IL1RAPL1: variants seen among roughly 807,000 people sequenced by gnomAD.
IL1RAPL1 encodes interleukin 1 receptor accessory protein like 1.
A neutral mutation model predicts 48.4 loss-of-function variants in IL1RAPL1; 3 were observed. The ratio of observed to expected loss-of-function variants is 0.06; its 90% CI spans 0.03 to 0.16. The LOEUF (loss-of-function observed/expected upper bound fraction) is 0.16. Ranked by LOEUF, IL1RAPL1 falls within the 10% of genes least tolerant of loss-of-function variation. The pLI, the probability that IL1RAPL1 is intolerant of heterozygous loss-of-function variation, is 1.00. For synonymous variants in IL1RAPL1, 185 were observed against 187.7 expected (o/e 0.99, Z 0.12); for missense variants, 349 against 530.6 (o/e 0.66, Z 3.36).
chrX:29,586,854 A>G (rs780745506), intron 5 of IL1RAPL1, among the ~76,000 whole-genome samples: 1 of 111,566 alleles, frequency 9.0e-6, no homozygotes, highest in African/African-American at 3.2e-5. Flanking sequence ...GTATATAGAA[A>G]CACAGCTAAT....
intron 3 of IL1RAPL1, among the ~76,000 whole-genome samples, chrX:29,306,857 T>C (rs1932632841): frequency 2.8e-5 from 2 of 72,057 alleles, no homozygotes; most frequent in African/African-American, 6.1e-5. Flanking sequence ...TGAGACTCTG[T>C]CTCAAAAAAA....
intron 6 of IL1RAPL1, among the ~76,000 whole-genome samples, chrX:29,736,352 C>G (rs764530602): frequency 1.8e-5 from 2 of 111,597 alleles, no homozygotes; most frequent in South Asian, 7.6e-4. Flanking sequence ...TAGCAAGAAC[C>G]CTGTCTCAAA....
chrX:29,668,609 G>C (rs1926063097), intron 6 of IL1RAPL1, 105 bp downstream of exon 6: 1 of 603,841 alleles, frequency 1.7e-6, no homozygotes, highest in African/African-American at 2.2e-5. Flanking sequence ...AAATCCATTT[G>C]TATTCATAGG....
chrX:29,905,514 TTC>T (rs1353863638), intron 6 of IL1RAPL1, among the ~76,000 whole-genome samples: 2 of 26,447 alleles, frequency 7.6e-5, no homozygotes, highest in Non-Finnish European at 1.3e-4. Flanking sequence ...ATTTAAGTCT[TTC>T]TTTAATCCGT....
At chrX:29,665,729 A>C (rs1404216125) in intron 5 of IL1RAPL1, among the ~76,000 whole-genome samples, 4 of 112,237 alleles carry the variant, frequency 3.6e-5, no homozygotes, top group Non-Finnish European at 7.5e-5. Context: ...CTTCACTTCT[A>C]TCAAAGACAG....
At chrX:28,893,262 G>A (rs1340644326) in intron 2 of IL1RAPL1, among the ~76,000 whole-genome samples, 1 of 111,640 alleles carries the variant, frequency 9.0e-6, no homozygotes, top group East Asian at 2.8e-4. Flanking sequence ...TCTGAGAAGG[G>A]CAAGTGGTAA....
chrX:29,195,760 C>A (rs968573873), intron 2 of IL1RAPL1, among the ~76,000 whole-genome samples: 1 of 109,900 alleles, frequency 9.1e-6, no homozygotes, highest in Non-Finnish European at 1.9e-5. Context: ...GGGGTTTTGC[C>A]ATGTTGGCCA....
At position 28,738,602 on chromosome X, in the gene IL1RAPL1, C is replaced by T. The variant is rs569268542; in HGVS notation, c.-24-50718C>T. Among the ~76,000 whole-genome samples the T allele has an allele frequency of 4.7e-4, 52 of 111,093 alleles. 1 individual carries two copies. The highest frequency in any genetic ancestry group is 7.7e-4 in the South Asian group (2 of 2,600). On this transcript the variant is annotated intron_variant, in intron 1 of 10. Transcript: ENST00000378993. ...GGGGTGAGTTATGTGTGTATTAGATCTAGAGAAATGCAGGTGCAAAGGCCA... is the reference window on the plus strand; with the variant it reads ...GGGGTGAGTTATGTGTGTATTAGATTTAGAGAAATGCAGGTGCAAAGGCCA...
At chrX:29,951,461 T>C (rs895150720) in intron 9 of IL1RAPL1, among the ~76,000 whole-genome samples, 2 of 110,879 alleles carry the variant, frequency 1.8e-5, no homozygotes, top group South Asian at 7.7e-4. Context: ...TGATCAGTGG[T>C]AAGGTCTGGG....
chrX:29,618,732 C>G (rs1924371031), intron 5 of IL1RAPL1, among the ~76,000 whole-genome samples: 1 of 111,525 alleles, frequency 9.0e-6, no homozygotes, highest in African/African-American at 3.3e-5. Flanking sequence ...CTAGTCATGT[C>G]TAAAAAGTCC....
chrX:29,566,274 G>A, intron 5 of IL1RAPL1, among the ~76,000 whole-genome samples: 1 of 111,922 alleles, frequency 8.9e-6, no homozygotes, highest in Middle Eastern at 4.6e-3. Flanking sequence ...GTGAGTAAAT[G>A]ATATGAAATA....
intron 5 of IL1RAPL1, among the ~76,000 whole-genome samples, chrX:29,422,172 A>G (rs1018891424): frequency 2.7e-5 from 3 of 111,336 alleles, no homozygotes; most frequent in African/African-American, 6.5e-5. Context: ...TAAGTTGTAA[A>G]TAGTTCTCTT....
intron 6 of IL1RAPL1, among the ~76,000 whole-genome samples, chrX:29,730,497 A>C (rs1345664584): frequency 8.9e-6 from 1 of 112,393 alleles, no homozygotes; most frequent in African/African-American, 3.2e-5. Context: ...TTCCAAAAAA[A>C]ATAAGTATCA....
intron 6 of IL1RAPL1, among the ~76,000 whole-genome samples, chrX:29,746,469 A>C (rs1441511139): frequency 1.8e-5 from 2 of 112,058 alleles, no homozygotes; most frequent in African/African-American, 6.5e-5. Flanking sequence ...AAGGAATCCA[A>C]AACTTGTAAG....
intron 5 of IL1RAPL1, among the ~76,000 whole-genome samples, chrX:29,527,091 C>T (rs2147775997): frequency 9.0e-6 from 1 of 110,835 alleles, no homozygotes; most frequent in African/African-American, 3.3e-5. Flanking sequence ...GAAATAGAAC[C>T]AAATACATAT....
chrX:28,788,647 T>TTG (rs1398202457), intron 1 of IL1RAPL1, among the ~76,000 whole-genome samples: 6 of 107,166 alleles, frequency 5.6e-5, no homozygotes, highest in Non-Finnish European at 1.2e-4. Context: ...TTTTTTTTTT[T>TTG]GTAGTGATGG....
chrX:29,884,186 C>G (rs193085606), intron 6 of IL1RAPL1, among the ~76,000 whole-genome samples: 1 of 111,844 alleles, frequency 8.9e-6, no homozygotes, highest in Non-Finnish European at 1.9e-5. Context: ...TCTATTCATT[C>G]GAGACAAACC....
chrX:28,729,868 C>A (rs768538529), intron 1 of IL1RAPL1, among the ~76,000 whole-genome samples: 1 of 110,474 alleles, frequency 9.1e-6, no homozygotes, highest in East Asian at 2.9e-4. Flanking sequence ...TGGTGGTGCA[C>A]GCCTGTAGTC....
At chrX:29,508,553 A>G (rs1461382793) in intron 5 of IL1RAPL1, among the ~76,000 whole-genome samples, 1 of 112,007 alleles carries the variant, frequency 8.9e-6, no homozygotes, top group Non-Finnish European at 1.9e-5. Context: ...AAAAAAAACA[A>G]TGAATATTAT....
Sources: allele counts gnomAD v4.1 joint callset (sites outside exome capture counted in the v4.1 genomes callset), GRCh38; gene constraint gnomAD v4.1.1; transcripts MANE v1.5; gene names NCBI Gene and HGNC (gene_info 2026-07-23, HGNC 2026-07-21).